The following PRKCE variants were observed in gnomAD, a reference collection of about 807,000 sequenced individuals.
The protein encoded by PRKCE is protein kinase C epsilon type.
Under a neutral mutation model 85.4 loss-of-function variants are expected in PRKCE, and 16 were observed. That is an observed-to-expected ratio of 0.19 (90% CI 0.13 to 0.28). The LOEUF (loss-of-function observed/expected upper bound fraction) is 0.28, where lower values mean the gene tolerates loss of function less well. Among genes scored for constraint, PRKCE ranks in the 10% least tolerant of loss-of-function variants. The pLI is 1.00. For synonymous variants in PRKCE, 388 were observed against 371.5 expected (o/e 1.04, Z -0.51); for missense variants, 573 against 975.2 (o/e 0.59, Z 5.49).
chr2:45,984,741 C>G, intron 6 of PRKCE, 61 bp downstream of exon 6: 5 of 1,555,190 alleles, frequency 3.2e-6, no homozygotes, highest in Non-Finnish European at 4.3e-6. Context: ...TGCCTGCCCC[C>G]ATCCCTGCTT....
chr2:45,822,997 A>G (rs374341036), intron 1 of PRKCE, among the ~76,000 whole-genome samples: 17 of 152,288 alleles, frequency 1.1e-4, no homozygotes, highest in African/African-American at 4.1e-4. Context: ...CTGCCTTGTC[A>G]TTAATTCCTG....
chr2:45,777,242 G>A (rs185637670), intron 1 of PRKCE, among the ~76,000 whole-genome samples: 4 of 152,302 alleles, frequency 2.6e-5, no homozygotes, highest in Middle Eastern at 3.4e-3. Flanking sequence ...ACTTTCTTGA[G>A]AAGGTAAGTT....
At chr2:45,917,060 C>A (rs1292169414) in intron 2 of PRKCE, among the ~76,000 whole-genome samples, 1 of 152,130 alleles carries the variant, frequency 6.6e-6, no homozygotes, top group African/African-American at 2.4e-5. Context: ...CAGCAGGTTA[C>A]CACTGCTGGC....
At chr2:46,074,429 C>CAAAAAAAAAAAAAAAAAAAAAAAAACACA (rs11287357) in intron 10 of PRKCE, among the ~76,000 whole-genome samples, 1 of 93,886 alleles carries the variant, frequency 1.1e-5, no homozygotes, top group African/African-American at 4.2e-5. Context: ...CAACAACAAC[C>CAAAAAAAAAAAAAAAAAAAAAAAAACACA]AAAAAAAAAA....
chr2:45,750,933 A>G (rs7582153), intron 1 of PRKCE, among the ~76,000 whole-genome samples: 97,252 of 152,008 alleles, frequency 0.64, 31,763 homozygotes, highest in African/African-American at 0.77. Flanking sequence ...CCAGAGTGTC[A>G]CTATCACGCA....
In PRKCE at chr2:46,004,448, C is replaced by G; in HGVS notation, c.967-94C>G. ...GAATTCCTGCTGCTCTGGGAACTCT[C>G]ATGGCTCTTATACGGCATCTTGATG... is the stretch of plus-strand genomic sequence containing the variant. On this transcript the variant is annotated intron_variant, in intron 7 of 14. Coordinates refer to ENST00000306156, the MANE Select transcript of PRKCE (RefSeq NM_005400.3). This position sits in a 1 kb window ranked among gnomAD's most constrained non-coding sequence, Gnocchi z 4.1. 2 of 1,050,754 alleles carry G rather than the reference C, an allele frequency of 1.9e-6. No individual in the cohort carries two copies. The highest frequency in any genetic ancestry group is 2.8e-6 in the Non-Finnish European group (2 of 709,460). 65.1% of individuals were successfully genotyped at this position (1,050,754 alleles called of 1,614,324 possible).
At chr2:45,995,377 A>G (rs1258483122) in intron 6 of PRKCE, among the ~76,000 whole-genome samples, 2 of 151,972 alleles carry the variant, frequency 1.3e-5, no homozygotes, top group Admixed American at 1.3e-4. Context: ...TCTTTTTTTC[A>G]TGGATCATGT....
intron 10 of PRKCE, among the ~76,000 whole-genome samples, chr2:46,043,466 G>A (rs1243114927): frequency 1.3e-5 from 2 of 152,130 alleles, no homozygotes; most frequent in Non-Finnish European, 2.9e-5. Flanking sequence ...AATATATTAT[G>A]TTACAAATGT....
At chr2:46,161,249 C>T (rs1180038011) in intron 14 of PRKCE, among the ~76,000 whole-genome samples, 1 of 152,162 alleles carries the variant, frequency 6.6e-6, no homozygotes, top group Admixed American at 6.5e-5. Context: ...ATTAACTGTG[C>T]CCCTGGTAAA....
At chr2:45,803,070 G>A (rs909737679) in intron 1 of PRKCE, among the ~76,000 whole-genome samples, 1 of 152,192 alleles carries the variant, frequency 6.6e-6, no homozygotes, top group African/African-American at 2.4e-5. Context: ...TTGAAAGGTG[G>A]CACTTGATTT....
intron 2 of PRKCE, among the ~76,000 whole-genome samples, chr2:45,882,988 G>A (rs1216281244): frequency 1.3e-5 from 2 of 152,206 alleles, no homozygotes; most frequent in Non-Finnish European, 2.9e-5. Flanking sequence ...CACACTCCCC[G>A]CAGCAATGAG....
chr2:45,947,050 C>G (rs2104290684), intron 2 of PRKCE, among the ~76,000 whole-genome samples: 1 of 152,346 alleles, frequency 6.6e-6, no homozygotes, highest in East Asian at 1.9e-4. Context: ...CTCTCAACCT[C>G]TCTCCATCAC....
At chr2:46,108,235 G>A (rs1671918990) in intron 11 of PRKCE, among the ~76,000 whole-genome samples, 1 of 152,180 alleles carries the variant, frequency 6.6e-6, no homozygotes, top group South Asian at 2.1e-4. Context: ...TATGAGTTCT[G>A]TGTATATTCT....
chr2:45,756,271 A>G (rs189592238), intron 1 of PRKCE, among the ~76,000 whole-genome samples: 306 of 152,276 alleles, frequency 2.0e-3, no homozygotes, highest in South Asian at 0.016. Context: ...ATACCAGATG[A>G]TAGGGCAGAG....
intron 1 of PRKCE, among the ~76,000 whole-genome samples, chr2:45,822,979 G>C (rs1378711140): frequency 6.6e-6 from 1 of 152,174 alleles, no homozygotes; most frequent in Non-Finnish European, 1.5e-5. Flanking sequence ...ATTGGGTTCT[G>C]TTAGTCACTG....
chr2:45,842,805 G>A (rs927953817), intron 1 of PRKCE, among the ~76,000 whole-genome samples, 195 bp from the exon 2 acceptor site: 1 of 152,170 alleles, frequency 6.6e-6, no homozygotes, highest in Non-Finnish European at 1.5e-5. Context: ...GAGAACCACT[G>A]GGATGGTGCT....
intron 10 of PRKCE, among the ~76,000 whole-genome samples, chr2:46,027,227 CGGG>C (rs1707182332): frequency 6.6e-6 from 1 of 151,976 alleles, no homozygotes. Context: ...CCCAGCTATT[CGGG>C]AGGCTGAGGT....
rs530624105 is a variant in PRKCE, at chr2:45,897,846, A to T, written c.412+54783A>T. Among the ~76,000 whole-genome samples the T allele has an allele frequency of 1.1e-4, 16 of 152,322 alleles. No individual in the cohort carries two copies. In the South Asian group the frequency reaches 3.1e-3, roughly 30 times the overall value. ...AAACTCCATCACAAGAAATTAAATT[A>T]TTTGAGTTAAGAAGTGGCTTTTAAT... On this transcript the variant is annotated intron_variant, in intron 2 of 14. Transcript: ENST00000306156.
chr2:45,663,871 A>G (rs1675793792), intron 1 of PRKCE, among the ~76,000 whole-genome samples: 1 of 152,230 alleles, frequency 6.6e-6, no homozygotes, highest in Admixed American at 6.5e-5. Flanking sequence ...TAAAGTAGGA[A>G]TGCACTCCAG....
Sources: gnomAD v4.1 joint callset for allele counts (sites outside exome capture counted in the v4.1 genomes callset) on GRCh38, gnomAD v4.1.1 for gene constraint, Gnocchi (gnomAD v3.1) non-coding constraint, MANE v1.5 for transcripts, NCBI Gene and HGNC (gene_info 2026-07-23, HGNC 2026-07-21) for gene names.